Variants in ANO2 observed in about 807,000 individuals in gnomAD.
ANO2 encodes the protein anoctamin-2.
In ANO2, 101 loss-of-function variants were observed where a neutral mutation model predicts 124.2. The observed-to-expected ratio is 0.81, with a 90% CI of 0.69 to 0.96. ANO2 has a LOEUF of 0.96. Among genes scored for constraint, ANO2 ranks in the 40% least tolerant of loss-of-function variants. ANO2 has a pLI of 0.00. For synonymous variants in ANO2, 486 were observed against 482.5 expected (o/e 1.01, Z -0.09); for missense variants, 1,293 against 1,274.5 (o/e 1.01, Z -0.22).
intron 3 of ANO2, among the ~76,000 whole-genome samples, chr12:5,893,881 A>C (rs1939588252): frequency 1.3e-5 from 2 of 152,130 alleles, no homozygotes; most frequent in South Asian, 4.1e-4. Flanking sequence ...TTCTTTATCC[A>C]GTCTACCTTT....
chr12:5,675,229 A>G (rs770289071), intron 14 of ANO2, among the ~76,000 whole-genome samples: 1 of 152,168 alleles, frequency 6.6e-6, no homozygotes, highest in African/African-American at 2.4e-5. Context: ...ATATACACAC[A>G]TATCCTATTT....
intron 2 of ANO2, 26 bp downstream of exon 2, chr12:5,922,594 C>A: frequency 2.0e-6 from 3 of 1,474,776 alleles, no homozygotes; most frequent in Admixed American, 2.1e-5. Flanking sequence ...GCCTATCCCC[C>A]CACCCCACCC....
At chr12:5,899,299 T>C (rs976874573) in intron 3 of ANO2, among the ~76,000 whole-genome samples, 1 of 152,174 alleles carries the variant, frequency 6.6e-6, no homozygotes, top group African/African-American at 2.4e-5. Context: ...AAGTGCATGA[T>C]TCCCATCTTC....
At chr12:5,812,896 GCAAACAAGCAAGCAAGAAAAA>G in intron 7 of ANO2, among the ~76,000 whole-genome samples, 1 of 133,354 alleles carries the variant, frequency 7.5e-6, no homozygotes, top group African/African-American at 2.8e-5. Context: ...GGAAGGAGAA[GCAAACAAGCAAGCAAGAAAAA>G]GAAAGAGAGA....
At chr12:5,934,462 T>C in intron 1 of ANO2, among the ~76,000 whole-genome samples, 1 of 152,234 alleles carries the variant, frequency 6.6e-6, no homozygotes, top group South Asian at 2.1e-4. Context: ...GAGAGAATTA[T>C]CTTATTGAGA....
At chr12:5,578,044 G>A (rs766013371) in intron 21 of ANO2, 37 bp from the exon 22 acceptor site, 37 of 1,602,086 alleles carry the variant, frequency 2.3e-5, no homozygotes, top group South Asian at 4.4e-5. Flanking sequence ...GCTCACTCCC[G>A]CCCTCGGCCC....
In ANO2 at chr12:5,635,423, C is replaced by A; in HGVS notation, c.1621-76G>T. On this transcript the variant is annotated intron_variant, in intron 15 of 24. Coordinates refer to ENST00000682330, the MANE Select transcript of ANO2 (RefSeq NM_001364791.2). The surrounding 1 kb of genome is among the most constrained non-coding windows in gnomAD (Gnocchi z 5.2). ...CCTACTATTTGCTCTGCCAACAGTA[C>A]CATTTGCTGTTATCAGATATTATTA... 1 of 1,132,030 alleles carries A rather than the reference C, an allele frequency of 8.8e-7. No individual in the cohort carries two copies. The highest frequency in any genetic ancestry group is 1.2e-6 in the Non-Finnish European group (1 of 841,028). The allele number at this position is 1,132,030 out of a possible 1,614,324, so 70.1% of individuals were successfully genotyped here.
intron 14 of ANO2, among the ~76,000 whole-genome samples, chr12:5,682,046 C>T (rs887099765): frequency 1.3e-5 from 2 of 152,182 alleles, no homozygotes; most frequent in Non-Finnish European, 2.9e-5. Flanking sequence ...AATCAAGTTT[C>T]CCTTTAGCCA....
chr12:5,610,493 C>T (rs1464808247), intron 19 of ANO2, among the ~76,000 whole-genome samples: 1 of 132,340 alleles, frequency 7.6e-6, no homozygotes, highest in Admixed American at 8.0e-5. Flanking sequence ...ATCTATATTT[C>T]ATATAGATAT....
chr12:5,750,164 G>A (rs1951393627), intron 11 of ANO2, among the ~76,000 whole-genome samples: 1 of 151,774 alleles, frequency 6.6e-6, no homozygotes, highest in Non-Finnish European at 1.5e-5. Flanking sequence ...CAAATTCCTG[G>A]GCTCCAACAA....
At chr12:5,575,385 G>A (rs1484919510) in intron 23 of ANO2, among the ~76,000 whole-genome samples, 2 of 152,200 alleles carry the variant, frequency 1.3e-5, no homozygotes, top group Admixed American at 1.3e-4. Flanking sequence ...TGCAGAGAGA[G>A]CAGGAGACAG....
chr12:5,766,138 T>C lies in ANO2; in HGVS notation c.1056-15168A>G, dbSNP rs560822078. 3.9e-4 allele frequency among the ~76,000 whole-genome samples: 60 copies of C among 152,328 alleles called. 1 individual carries two copies. The South Asian group carries it at 0.012, about 31-fold the overall frequency. On this transcript the variant is annotated intron_variant, in intron 10 of 24. Transcript: ENST00000682330. ...ACAGGTACAGGTATTTTGGAAAAAC[T>C]GCTTGTGGCATCTGCTAGAGCTGAG...
At chr12:5,568,473 T>C (rs1481730021) in intron 23 of ANO2, among the ~76,000 whole-genome samples, 1 of 152,176 alleles carries the variant, frequency 6.6e-6, no homozygotes, top group Non-Finnish European at 1.5e-5. Flanking sequence ...CCATGACTCA[T>C]AGTTTGAAAA....
intron 23 of ANO2, among the ~76,000 whole-genome samples, chr12:5,571,397 G>C (rs1183098130): frequency 6.6e-6 from 1 of 152,208 alleles, no homozygotes; most frequent in Non-Finnish European, 1.5e-5. Flanking sequence ...ATCTCAAACG[G>C]GCAGCCGGAG....
At chr12:5,866,476 T>A (rs2137274026) in intron 3 of ANO2, among the ~76,000 whole-genome samples, 1 of 152,326 alleles carries the variant, frequency 6.6e-6, no homozygotes, top group South Asian at 2.1e-4. Flanking sequence ...TCTGCCAATA[T>A]GAACAAGCAT....
chr12:5,641,337 A>G (rs1299994224), intron 15 of ANO2, among the ~76,000 whole-genome samples: 2 of 152,240 alleles, frequency 1.3e-5, no homozygotes, highest in Non-Finnish European at 2.9e-5. Flanking sequence ...GCAAACCTGC[A>G]CATTGTGCAC....
intron 23 of ANO2, among the ~76,000 whole-genome samples, chr12:5,566,284 TA>T (rs1941754763): frequency 6.6e-6 from 1 of 152,236 alleles, no homozygotes; most frequent in South Asian, 2.1e-4. Context: ...TCTGTTTTGC[TA>T]ATCATCTTCC....
intron 3 of ANO2, chr12:5,870,148 T>C (rs956585078): frequency 5.3e-5 from 8 of 152,328 alleles, no homozygotes; most frequent in African/African-American, 1.9e-4. Context: ...GCAATCCATC[T>C]GCAGAGAAGC....
chr12:5,668,087 T>A lies in ANO2; in HGVS notation c.1546-20286A>T, dbSNP rs536350774. On this transcript the variant is annotated intron_variant, in intron 14 of 24. Coordinates refer to ENST00000682330, the MANE Select transcript of ANO2 (RefSeq NM_001364791.2). ...TATACTCAGTAATGTGATTGCTGGG[T>A]CAAATGGTATTTCTGGTTCTAGATC... is the stretch of plus-strand genomic sequence containing the variant. Among the ~76,000 whole-genome samples the A allele has an allele frequency of 8.5e-5, 13 of 152,314 alleles. No individual in the cohort carries two copies. The South Asian group carries it at 2.7e-3, about 32-fold the overall frequency.
Sources: allele counts gnomAD v4.1 joint callset (sites outside exome capture counted in the v4.1 genomes callset), GRCh38; gene constraint gnomAD v4.1.1; non-coding constraint Gnocchi (gnomAD v3.1); transcripts MANE v1.5; gene names NCBI Gene and HGNC (gene_info 2026-07-23, HGNC 2026-07-21).